ZBTB8OS: variants seen among roughly 807,000 people sequenced by gnomAD.
The protein encoded by ZBTB8OS is tRNA splicing ligase complex subunit 1.
Under a neutral mutation model 29.3 loss-of-function variants are expected in ZBTB8OS, and 16 were observed. The observed-to-expected ratio is 0.55, with a 90% CI of 0.37 to 0.83. The LOEUF (loss-of-function observed/expected upper bound fraction) is 0.83, where lower values mean the gene tolerates loss of function less well. Among genes scored for constraint, ZBTB8OS ranks in the 40% least tolerant of loss-of-function variants. The pLI, the probability that ZBTB8OS is intolerant of heterozygous loss-of-function variation, is 0.00. For synonymous variants in ZBTB8OS, 70 were observed against 64.6 expected, an observed-to-expected ratio of 1.08 and a Z score of -0.40; for missense variants, 160 against 196.9, an observed-to-expected ratio of 0.81 and a Z score of 1.12.
Position 32,623,856 on chromosome 1 carries a change from G to A in ZBTB8OS, c.418-1908C>T, listed in dbSNP as rs530668816. On this transcript the variant is annotated intron_variant, in intron 6 of 6. Coordinates refer to ENST00000468695, the MANE Select transcript of ZBTB8OS (RefSeq NM_178547.5). ...AAACATACTGATATATTTTGGCTGT[G>A]TCCCCACCCAAATCTCATCTTGAAC... is the stretch of plus-strand genomic sequence containing the variant. 5.7e-4 allele frequency among the ~76,000 whole-genome samples: 87 copies of A among 152,238 alleles called. No individual in the cohort carries two copies. The Middle Eastern group carries it at 0.01, about 18-fold the overall frequency.
At chr1:32,637,102 A>G (rs1031451246) in intron 1 of ZBTB8OS, among the ~76,000 whole-genome samples, 1 of 151,952 alleles carries the variant, frequency 6.6e-6, no homozygotes, top group African/African-American at 2.4e-5. Context: ...CTCTGACTCT[A>G]CTAAGTCCCC....
At chr1:32,630,477 C>T (rs1182143275) in intron 5 of ZBTB8OS, among the ~76,000 whole-genome samples, 1 of 152,144 alleles carries the variant, frequency 6.6e-6, no homozygotes, top group African/African-American at 2.4e-5. Context: ...CACTTGAACC[C>T]AGGAGTTCAA....
At chr1:32,623,952 G>C (rs1478235849) in intron 6 of ZBTB8OS, among the ~76,000 whole-genome samples, 1 of 152,140 alleles carries the variant, frequency 6.6e-6, no homozygotes, top group Non-Finnish European at 1.5e-5. Context: ...CACGGGGGCG[G>C]TTTCCACCAT....
chr1:32,634,021 C>T lies in ZBTB8OS; in HGVS notation c.174G>A (p.Met58Ile). 1 of 1,602,400 alleles carries T rather than the reference C, an allele frequency of 6.2e-7. No homozygotes were observed. Among genetic ancestry groups the T allele is most frequent in the Non-Finnish European group, 8.5e-7 (1 of 1,177,356 alleles). Residue 58 changes from methionine to isoleucine, a missense_variant, in exon 3 of 7, where the codon ATG becomes ATA. Met to Ile is a conservative substitution (Grantham distance 10, BLOSUM62 1). Coordinates refer to ENST00000468695, the MANE Select transcript of ZBTB8OS (RefSeq NM_178547.5). ...TLEEAFEQCAMAMFGYMTDTG... is the reference protein window; with the variant it reads ...TLEEAFEQCAIAMFGYMTDTG... ...TATCTGTCATGTAACCAAACATGGC[C>T]ATTGCACATTGCTCAAATGCTTCCT... is the stretch of plus-strand genomic sequence containing the variant.
chr1:32,644,992 A>G (rs1266244597), intron 1 of ZBTB8OS, among the ~76,000 whole-genome samples: 7 of 150,920 alleles, frequency 4.6e-5, no homozygotes, highest in Non-Finnish European at 8.8e-5. Context: ...CATCCTGGCC[A>G]ACATGGTGAA....
upstream of ZBTB8OS, chr1:32,650,836 A>AC (rs983872688): frequency 4.3e-5 from 21 of 493,018 alleles, no homozygotes; most frequent in African/African-American, 3.7e-4. Flanking sequence ...CCCCCGCTTC[A>AC]CCCCCAAAAT....
At chr1:32,649,633 A>ACAC (rs1446311379) in intron 1 of ZBTB8OS, among the ~76,000 whole-genome samples, 1,268 of 54,064 alleles carry the variant, frequency 0.023, 8 homozygotes, top group Non-Finnish European at 0.041. Flanking sequence ...CATCTCTAAA[A>ACAC]ACACACACAC....
chr1:32,628,731 T>C (rs897887219), intron 5 of ZBTB8OS, among the ~76,000 whole-genome samples: 1 of 149,926 alleles, frequency 6.7e-6, no homozygotes, highest in Non-Finnish European at 1.5e-5. Flanking sequence ...AATCCAGGAG[T>C]TCAAGACCAG....
At chr1:32,641,543 A>ATT (rs1287641532) in intron 1 of ZBTB8OS, among the ~76,000 whole-genome samples, 3 of 141,402 alleles carry the variant, frequency 2.1e-5, no homozygotes, top group Admixed American at 2.1e-4. Flanking sequence ...AAGTGCTGGG[A>ATT]TTACAGGCAT....
intron 6 of ZBTB8OS, among the ~76,000 whole-genome samples, chr1:32,625,826 GACTA>G (rs559966632): frequency 8.4e-4 from 127 of 151,998 alleles, no homozygotes; most frequent in Middle Eastern, 6.8e-3. Context: ...TTTGGTCAAT[GACTA>G]ACTGCATATA....
At chr1:32,649,129 A>AG (rs1647083755) in intron 1 of ZBTB8OS, among the ~76,000 whole-genome samples, 1 of 151,258 alleles carries the variant, frequency 6.6e-6, no homozygotes, top group Non-Finnish European at 1.5e-5. Context: ...CATCATGCGC[A>AG]GCTAATTTTT....
chr1:32,639,271 C>G (rs1186428790), intron 1 of ZBTB8OS, among the ~76,000 whole-genome samples: 4 of 150,798 alleles, frequency 2.7e-5, no homozygotes, highest in Non-Finnish European at 5.9e-5. Flanking sequence ...GCACTCCAGC[C>G]TGGGCAACAG....
At chr1:32,647,676 C>T (rs1327019578) in intron 1 of ZBTB8OS, among the ~76,000 whole-genome samples, 4 of 152,144 alleles carry the variant, frequency 2.6e-5, no homozygotes, top group Non-Finnish European at 2.9e-5. Context: ...GTGAACTGCA[C>T]ATTGAGGGAT....
At chr1:32,629,526 T>C (rs1206628381) in intron 5 of ZBTB8OS, among the ~76,000 whole-genome samples, 1 of 152,194 alleles carries the variant, frequency 6.6e-6, no homozygotes, top group Non-Finnish European at 1.5e-5. Context: ...TACTAGACTC[T>C]ATAATACAGT....
chr1:32,638,342 G>A (rs369548688), intron 1 of ZBTB8OS, among the ~76,000 whole-genome samples: 10 of 148,280 alleles, frequency 6.7e-5, no homozygotes, highest in South Asian at 2.1e-4. Flanking sequence ...ACAGGCATGC[G>A]CCACCATGCC....
chr1:32,649,742 G>A (rs1243279002), intron 1 of ZBTB8OS, among the ~76,000 whole-genome samples: 1 of 149,954 alleles, frequency 6.7e-6, no homozygotes, highest in Non-Finnish European at 1.5e-5. Flanking sequence ...TCGGCTCACC[G>A]CAACCTCCGC....
intron 6 of ZBTB8OS, among the ~76,000 whole-genome samples, chr1:32,625,934 G>A (rs1054671432): frequency 6.0e-5 from 9 of 150,752 alleles, no homozygotes; most frequent in South Asian, 2.1e-4. Context: ...GTGCAATGGC[G>A]TGATCTCCGC....
chr1:32,649,458 T>C (rs1404414518), intron 1 of ZBTB8OS, among the ~76,000 whole-genome samples: 1 of 152,022 alleles, frequency 6.6e-6, no homozygotes, highest in Non-Finnish European at 1.5e-5. Flanking sequence ...CACAGCTACC[T>C]TTAGGGATGA....
rs1431462027 is a variant in ZBTB8OS at position 32,633,954 on chromosome 1, G to C, written c.241C>G (p.Gln81Glu). The change falls in exon 3 of 7, where the codon CAA becomes GAA. Residue 81 changes from glutamine to glutamate, a missense_variant. Gln to Glu is a conservative substitution (Grantham distance 29). Transcript: ENST00000468695. ...TCCTTGTGAATAAATCATTTACCTTGGGTTTCTACTTCTACTGTTTGGAGG... is the reference window on the plus strand; with the variant it reads ...TCCTTGTGAATAAATCATTTACCTTCGGTTTCTACTTCTACTGTTTGGAGG... ...EPLQTVEVET[Q>E]GDDLQSLLFH... The C allele has an allele frequency of 1.3e-6, 2 of 1,574,364 alleles. No homozygotes were observed. Among genetic ancestry groups the C allele is most frequent in the Non-Finnish European group, 1.7e-6 (2 of 1,167,648 alleles).
Sources: allele counts gnomAD v4.1 joint callset (sites outside exome capture counted in the v4.1 genomes callset), GRCh38; gene constraint gnomAD v4.1.1; transcripts MANE v1.5; gene names NCBI Gene and HGNC (gene_info 2026-07-23, HGNC 2026-07-21).